Variants in INPP4B observed in about 807,000 individuals in gnomAD.
The protein encoded by INPP4B is inositol polyphosphate 4-phosphatase type II.
INPP4B carries 55 observed loss-of-function variants against 122.5 expected under a neutral mutation model. That is an observed-to-expected ratio of 0.45 (90% confidence interval 0.36 to 0.56). INPP4B has a LOEUF of 0.56. INPP4B is among the 20% of genes least tolerant of loss of function. The probability of loss-of-function intolerance (pLI) is 0.00; values close to 1 mark genes in which losing one functional copy is unlikely to be tolerated. For synonymous variants in INPP4B, 403 were observed against 388.7 expected (o/e 1.04, Z -0.43); for missense variants, 1,000 against 1,097.7 (o/e 0.91, Z 1.26).
intron 1 of INPP4B, among the ~76,000 whole-genome samples, chr4:142,776,015 A>C (rs1773862000): frequency 6.6e-6 from 1 of 152,136 alleles, no homozygotes; most frequent in South Asian, 2.1e-4. Context: ...AAATATATCT[A>C]TGTCTTTCCA....
At chr4:142,500,764 G>C (rs12649139) in intron 2 of INPP4B, among the ~76,000 whole-genome samples, 25,486 of 151,982 alleles carry the variant, frequency 0.17, 2,409 homozygotes, top group East Asian at 0.39. Context: ...TACTAAGTTA[G>C]ATAAGCCAGG....
chr4:142,757,211 C>G (rs1770633033), intron 1 of INPP4B, among the ~76,000 whole-genome samples: 1 of 152,058 alleles, frequency 6.6e-6, no homozygotes, highest in Non-Finnish European at 1.5e-5. Context: ...CTGATATTAT[C>G]AACAGTCCAA....
At chr4:142,650,417 C>G (rs1214704722) in intron 2 of INPP4B, among the ~76,000 whole-genome samples, 1 of 152,036 alleles carries the variant, frequency 6.6e-6, no homozygotes, top group Admixed American at 6.5e-5. Context: ...AAGACACAGA[C>G]TGGCAAATTG....
chr4:142,764,878 C>T (rs980474429), intron 1 of INPP4B, among the ~76,000 whole-genome samples: 3 of 151,876 alleles, frequency 2.0e-5, no homozygotes, highest in Admixed American at 6.6e-5. Context: ...CTAAGACGTT[C>T]GCTTGGTTAG....
chr4:142,654,367 T>TTAAAAAAAAAA lies in INPP4B; in HGVS notation c.-191+71471_-191+71472insTTTTTTTTTTA, dbSNP rs766012808. 2.4e-4 allele frequency: 24 copies of TTAAAAAAAAAA among 100,980 alleles called. 1 individual carries two copies. The highest frequency in any genetic ancestry group is 1.9e-3 in the Admixed American group (16 of 8,434). The allele number at this position is 100,980 out of a possible 1,614,324, so 6.3% of individuals were successfully genotyped here. On this transcript the variant is annotated intron_variant, in intron 2 of 25. Coordinates refer to ENST00000262992, the MANE Select transcript of INPP4B (RefSeq NM_001101669.3). ...CACTTGTACCCTAGAACTTAAAGTA[T>TTAAAAAAAAAA]AAAAAAAAAAAAAAAAAAAAAACAT...
intron 12 of INPP4B, among the ~76,000 whole-genome samples, chr4:142,219,313 G>A (rs1848481183): frequency 6.6e-6 from 1 of 152,058 alleles, no homozygotes; most frequent in African/African-American, 2.4e-5. Flanking sequence ...TTAATTTTAG[G>A]TAACTGCATT....
intron 17 of INPP4B, among the ~76,000 whole-genome samples, chr4:142,148,676 T>G (rs538284530): frequency 1.3e-5 from 2 of 152,350 alleles, no homozygotes; most frequent in Admixed American, 1.3e-4. Flanking sequence ...ATATTGTTCT[T>G]CCTTTCCAAA....
In INPP4B at chr4:142,028,920, G is replaced by A; in HGVS notation, c.2643-6C>T. Reference sequence around the variant, plus strand: ...TCTCTATGCGGCATCCTTCTCTGGTGAAAGGGGAAAAAGTACAACTTCATG... The same window carrying A: ...TCTCTATGCGGCATCCTTCTCTGGTAAAAGGGGAAAAAGTACAACTTCATG... On this transcript the variant is annotated splice_polypyrimidine_tract_variant and splice_region_variant and intron_variant, in intron 25 of 25. Transcript: ENST00000262992. 6.2e-7 allele frequency: 1 copy of A among 1,605,902 alleles called. No individual in the cohort carries two copies. The highest frequency in any genetic ancestry group is 8.5e-7 in the Non-Finnish European group (1 of 1,177,176).
chr4:142,259,117 C>G (rs1231646326), intron 11 of INPP4B, among the ~76,000 whole-genome samples: 1 of 148,290 alleles, frequency 6.7e-6, no homozygotes, highest in South Asian at 2.1e-4. Context: ...AAAAACCAAA[C>G]ACCGCATATT....
At chr4:142,320,997 T>C (rs1471877033) in intron 7 of INPP4B, among the ~76,000 whole-genome samples, 1 of 152,244 alleles carries the variant, frequency 6.6e-6, no homozygotes, top group East Asian at 1.9e-4. Flanking sequence ...GTGGGATTGC[T>C]GGATAAAATG....
chr4:142,099,424 A>C (rs1006657631), intron 23 of INPP4B, among the ~76,000 whole-genome samples: 1 of 152,052 alleles, frequency 6.6e-6, no homozygotes, highest in Non-Finnish European at 1.5e-5. Flanking sequence ...AACTGACTGG[A>C]TTTTTCATTT....
At chr4:142,313,579 G>A (rs949614370) in intron 8 of INPP4B, among the ~76,000 whole-genome samples, 5 of 152,152 alleles carry the variant, frequency 3.3e-5, no homozygotes, top group Non-Finnish European at 7.3e-5. Context: ...AGGTCCATCT[G>A]CCTGTGTCTG....
chr4:142,251,272 A>T (rs555644738), intron 11 of INPP4B, among the ~76,000 whole-genome samples: 5 of 152,322 alleles, frequency 3.3e-5, no homozygotes, highest in Admixed American at 2.6e-4. Flanking sequence ...TTATAATTAT[A>T]GTATAGATGA....
intron 25 of INPP4B, among the ~76,000 whole-genome samples, chr4:142,036,964 T>A (rs1486317115): frequency 6.6e-6 from 1 of 152,200 alleles, no homozygotes; most frequent in Admixed American, 6.5e-5. Flanking sequence ...ATGCAAGGGA[T>A]GTTTTAAGTA....
intron 2 of INPP4B, among the ~76,000 whole-genome samples, chr4:142,551,693 G>C (rs140306046): frequency 1.4e-4 from 21 of 152,288 alleles, no homozygotes; most frequent in African/African-American, 4.8e-4. Flanking sequence ...GTAGCAGGAT[G>C]CTAGACTGGC....
chr4:142,809,555 G>T (rs1779249733), intron 1 of INPP4B, among the ~76,000 whole-genome samples: 1 of 152,146 alleles, frequency 6.6e-6, no homozygotes, highest in Admixed American at 6.5e-5. Context: ...TATAAATGGA[G>T]ATTATAGAGG....
intron 3 of INPP4B, among the ~76,000 whole-genome samples, chr4:142,461,590 G>T (rs960865198): frequency 6.6e-6 from 1 of 152,018 alleles, no homozygotes; most frequent in East Asian, 1.9e-4. Context: ...GATTTTTTCT[G>T]GCTTGCATTA....
chr4:142,259,115 A>G (rs975834128), intron 11 of INPP4B, among the ~76,000 whole-genome samples: 1 of 150,178 alleles, frequency 6.7e-6, no homozygotes, highest in African/African-American at 2.5e-5. Context: ...CAAAAAACCA[A>G]ACACCGCATA....
chr4:142,775,992 T>C (rs1580887777), intron 1 of INPP4B, among the ~76,000 whole-genome samples: 1 of 152,134 alleles, frequency 6.6e-6, no homozygotes, highest in Non-Finnish European at 1.5e-5. Context: ...ATATGGTGGA[T>C]CTTTGTATTT....
Sources: allele counts gnomAD v4.1 joint callset (sites outside exome capture counted in the v4.1 genomes callset), GRCh38; gene constraint gnomAD v4.1.1; transcripts MANE v1.5; gene names NCBI Gene and HGNC (gene_info 2026-07-23, HGNC 2026-07-21).